The following CCSER1 variants were observed in gnomAD, a reference collection of about 807,000 sequenced individuals.
CCSER1 encodes the protein serine-rich coiled-coil domain-containing protein 1.
CCSER1 carries 41 observed loss-of-function variants against 82.0 expected under a neutral mutation model. The ratio of observed to expected loss-of-function variants is 0.50; its 90% confidence interval spans 0.39 to 0.65. The LOEUF is 0.65. Among genes scored for constraint, CCSER1 ranks in the 30% least tolerant of loss-of-function variants. The pLI is 0.00. For missense variants in CCSER1, 1,119 were observed against 1,064.2 expected, an observed-to-expected ratio of 1.05 and a Z score of -0.72; for synonymous variants, 414 against 383.9, an observed-to-expected ratio of 1.08 and a Z score of -0.92.
intron 1 of CCSER1, among the ~76,000 whole-genome samples, chr4:90,168,793 T>C (rs536875267): frequency 0.026 from 2,572 of 97,664 alleles, 97 homozygotes; most frequent in East Asian, 0.075. Context: ...TGTAGGTATG[T>C]GGCATTATTT....
intron 10 of CCSER1, among the ~76,000 whole-genome samples, chr4:91,220,237 T>A (rs1357600015): frequency 2.0e-5 from 3 of 152,208 alleles, no homozygotes; most frequent in Non-Finnish European, 4.4e-5. Flanking sequence ...TCTTTTTAAA[T>A]GTCATAAATT....
chr4:90,812,114 G>A (rs1758429273), intron 7 of CCSER1, among the ~76,000 whole-genome samples: 1 of 151,966 alleles, frequency 6.6e-6, no homozygotes, highest in Non-Finnish European at 1.5e-5. Context: ...AGAACTTGGA[G>A]TCCAATGTTC....
intron 9 of CCSER1, among the ~76,000 whole-genome samples, chr4:90,972,762 T>C (rs1425482375): frequency 6.6e-6 from 1 of 151,666 alleles, no homozygotes; most frequent in African/African-American, 2.4e-5. Flanking sequence ...TCTCAAAATA[T>C]ATTATTAAAA....
At chr4:91,197,178 GCCTCAGAA>G (rs1318879241) in intron 10 of CCSER1, among the ~76,000 whole-genome samples, 1 of 152,116 alleles carries the variant, frequency 6.6e-6, no homozygotes, top group Non-Finnish European at 1.5e-5. Context: ...AAAGCTGCTG[GCCTCAGAA>G]CCACACAACC....
chr4:90,477,729 G>T (rs1765310134), intron 5 of CCSER1, among the ~76,000 whole-genome samples: 1 of 151,156 alleles, frequency 6.6e-6, no homozygotes, highest in Non-Finnish European at 1.5e-5. Context: ...GCAATAACTA[G>T]TAGGTACTCA....
At chr4:90,242,143 T>C (rs1387614422) in intron 1 of CCSER1, among the ~76,000 whole-genome samples, 1 of 152,052 alleles carries the variant, frequency 6.6e-6, no homozygotes, top group Non-Finnish European at 1.5e-5. Flanking sequence ...CCGGTCTTAC[T>C]AAAAATAAAA....
chr4:91,170,666 G>A (rs1358454213), intron 10 of CCSER1, among the ~76,000 whole-genome samples: 1 of 152,090 alleles, frequency 6.6e-6, no homozygotes, highest in Non-Finnish European at 1.5e-5. Context: ...ATCATTTTTA[G>A]TAGAAACTCA....
intron 9 of CCSER1, among the ~76,000 whole-genome samples, chr4:91,057,878 A>G (rs546414827): frequency 2.6e-5 from 4 of 152,254 alleles, no homozygotes; most frequent in African/African-American, 9.6e-5. Context: ...TTTAGCAAGT[A>G]AATTGAGTGT....
chr4:91,115,806 CTTTTTTTTT>C (rs527629667), intron 10 of CCSER1, among the ~76,000 whole-genome samples: 18 of 101,560 alleles, frequency 1.8e-4, no homozygotes, highest in African/African-American at 2.7e-4. Context: ...CTAGCTTTTT[CTTTTTTTTT>C]TTTTTTTTTT....
At chr4:90,961,081 A>T (rs1734008755) in intron 9 of CCSER1, among the ~76,000 whole-genome samples, 1 of 151,506 alleles carries the variant, frequency 6.6e-6, no homozygotes, top group African/African-American at 2.4e-5. Context: ...ATGTTGACAA[A>T]CTCTTAGATT....
chr4:90,818,190 G>A (rs182493429), intron 8 of CCSER1, among the ~76,000 whole-genome samples: 5 of 151,842 alleles, frequency 3.3e-5, no homozygotes, highest in Admixed American at 1.3e-4. Flanking sequence ...ATATTTTTGA[G>A]TTAGCCTCAT....
intron 10 of CCSER1, among the ~76,000 whole-genome samples, chr4:91,509,567 T>C (rs2110111993): frequency 6.6e-6 from 1 of 152,214 alleles, no homozygotes; most frequent in South Asian, 2.1e-4. Flanking sequence ...TGGAGTGTTA[T>C]ATAGATTTCT....
intron 1 of CCSER1, among the ~76,000 whole-genome samples, chr4:90,154,230 T>A (rs1210600466): frequency 6.6e-6 from 1 of 152,228 alleles, no homozygotes; most frequent in Non-Finnish European, 1.5e-5. Flanking sequence ...TCTGTTCCAT[T>A]GATCTATATC....
chr4:90,934,636 A>C (rs1730691008), intron 9 of CCSER1, among the ~76,000 whole-genome samples: 1 of 152,210 alleles, frequency 6.6e-6, no homozygotes, highest in Non-Finnish European at 1.5e-5. Context: ...GCTATTAAAA[A>C]TTGGGGGACT....
intron 10 of CCSER1, among the ~76,000 whole-genome samples, chr4:91,569,350 C>T (rs1236384666): frequency 1.3e-5 from 2 of 152,072 alleles, no homozygotes; most frequent in Admixed American, 6.6e-5. Context: ...TGTTCCTGCC[C>T]CAACTTGGAG....
intron 10 of CCSER1, among the ~76,000 whole-genome samples, chr4:91,251,339 A>T (rs1740243352): frequency 6.6e-6 from 1 of 152,120 alleles, no homozygotes; most frequent in African/African-American, 2.4e-5. Context: ...AATTCTATTC[A>T]TGAAGGCTCT....
intron 5 of CCSER1, among the ~76,000 whole-genome samples, chr4:90,580,719 T>C (rs1267231116): frequency 6.6e-6 from 1 of 152,230 alleles, no homozygotes; most frequent in Non-Finnish European, 1.5e-5. Flanking sequence ...TTGCAAATTA[T>C]ATCTCAAAAT....
chr4:90,773,296 A>G (rs954545630), intron 7 of CCSER1, among the ~76,000 whole-genome samples: 3 of 152,176 alleles, frequency 2.0e-5, no homozygotes, highest in African/African-American at 7.2e-5. Context: ...CCCTTACCTT[A>G]ATTCACATCA....
At chr4:91,561,265 A>T (rs1261924049) in intron 10 of CCSER1, among the ~76,000 whole-genome samples, 2 of 151,498 alleles carry the variant, frequency 1.3e-5, no homozygotes, top group Admixed American at 1.3e-4. Flanking sequence ...GTGATTCCTG[A>T]CAACTTTTCT....
Sources: allele counts gnomAD v4.1 joint callset (sites outside exome capture counted in the v4.1 genomes callset), GRCh38; gene constraint gnomAD v4.1.1; transcripts MANE v1.5; gene names NCBI Gene and HGNC (gene_info 2026-07-23, HGNC 2026-07-21).